ATP10B: variants seen among roughly 807,000 people sequenced by gnomAD.
The protein encoded by ATP10B is phospholipid-transporting ATPase VB.
ATP10B carries 122 observed loss-of-function variants against 141.2 expected under a neutral mutation model. That is an observed-to-expected ratio of 0.86 (90% CI 0.75 to 1.00). The LOEUF (loss-of-function observed/expected upper bound fraction) is 1.00, where lower values mean the gene tolerates loss of function less well. Among genes scored for constraint, ATP10B ranks in the 50% least tolerant of loss-of-function variants. The pLI is 0.00. For synonymous variants in ATP10B, 685 were observed against 692.0 expected (o/e 0.99, Z 0.16); for missense variants, 1,876 against 1,825.3 (o/e 1.03, Z -0.51).
chr5:160,573,947 G>T (rs1374445010), intron 24 of ATP10B, among the ~76,000 whole-genome samples: 3 of 152,146 alleles, frequency 2.0e-5, no homozygotes, highest in Non-Finnish European at 2.9e-5. Flanking sequence ...CCACATATAT[G>T]TGTGCAAGAG....
intron 1 of ATP10B, among the ~76,000 whole-genome samples, chr5:160,807,512 C>CT (rs113889021): frequency 0.015 from 2,330 of 152,106 alleles, 61 homozygotes; most frequent in African/African-American, 0.053. Flanking sequence ...CAATTGGATA[C>CT]TTTTTTTAAG....
chr5:160,889,712 T>C, the ATP10B span, among the ~76,000 whole-genome samples: 1 of 152,048 alleles, frequency 6.6e-6, no homozygotes, highest in Admixed American at 6.5e-5. Flanking sequence ...TGGAGAGACA[T>C]GGGGAGGGGA....
chr5:160,818,411 A>G (rs1487557542), intron 1 of ATP10B, among the ~76,000 whole-genome samples: 1 of 152,260 alleles, frequency 6.6e-6, no homozygotes, highest in East Asian at 1.9e-4. Flanking sequence ...GCTCATTATC[A>G]CTGGCCATCA....
chr5:160,768,730 C>T (rs1167660766), intron 2 of ATP10B, among the ~76,000 whole-genome samples: 1 of 152,150 alleles, frequency 6.6e-6, no homozygotes, highest in Non-Finnish European at 1.5e-5. Context: ...CAGCAAGTTA[C>T]CCAGGGTGGG....
intron 2 of ATP10B, among the ~76,000 whole-genome samples, chr5:160,733,271 GA>G (rs1766864202): frequency 6.6e-6 from 1 of 152,096 alleles, no homozygotes; most frequent in South Asian, 2.1e-4. Flanking sequence ...ACCAATGTAT[GA>G]TGTGAAGAAT....
At chr5:160,873,702 C>A in the ATP10B span, among the ~76,000 whole-genome samples, 1 of 152,304 alleles carries the variant, frequency 6.6e-6, no homozygotes, top group Admixed American at 6.5e-5. Context: ...CAAAGCAGGG[C>A]GAGGCACTGC....
At chr5:160,619,765 G>A (rs998373471) in intron 15 of ATP10B, among the ~76,000 whole-genome samples, 8 of 152,236 alleles carry the variant, frequency 5.3e-5, no homozygotes, top group Non-Finnish European at 7.4e-5. Flanking sequence ...CTCAGTGCAC[G>A]TTTATGAAAA....
At chr5:160,778,470 G>A (rs1322433481) in intron 2 of ATP10B, among the ~76,000 whole-genome samples, 1 of 152,124 alleles carries the variant, frequency 6.6e-6, no homozygotes, top group East Asian at 1.9e-4. Context: ...CAAAGAAGAG[G>A]CTGAAAGTCA....
intron 2 of ATP10B, among the ~76,000 whole-genome samples, chr5:160,722,152 G>C (rs75313809): frequency 6.6e-6 from 1 of 152,204 alleles, no homozygotes; most frequent in Admixed American, 6.5e-5. Context: ...GATAGCCCAC[G>C]GGTTCTTATG....
intron 2 of ATP10B, among the ~76,000 whole-genome samples, chr5:160,778,005 T>C (rs7724015): frequency 0.13 from 19,158 of 152,170 alleles, 1,486 homozygotes; most frequent in Middle Eastern, 0.18. Flanking sequence ...CACATGTGAA[T>C]TTGTATGGAT....
At chr5:160,861,051 G>T in the ATP10B span, among the ~76,000 whole-genome samples, 11 of 151,882 alleles carry the variant, frequency 7.2e-5, no homozygotes, top group Admixed American at 4.6e-4. Context: ...TCTTTACTTT[G>T]CTCTTTAGGA....
intron 2 of ATP10B, among the ~76,000 whole-genome samples, chr5:160,756,446 C>A (rs147636688): frequency 6.6e-6 from 1 of 152,120 alleles, no homozygotes; most frequent in East Asian, 1.9e-4. Context: ...TAAGAAGTGG[C>A]CAGATTGTTT....
chr5:160,598,325 G>A (rs550540651), intron 22 of ATP10B, among the ~76,000 whole-genome samples: 1 of 152,096 alleles, frequency 6.6e-6, no homozygotes, highest in African/African-American at 2.4e-5. Context: ...CTCATAGGTG[G>A]GAATTGAACA....
chr5:160,804,332 C>T (rs892442516), intron 1 of ATP10B, among the ~76,000 whole-genome samples: 1 of 152,128 alleles, frequency 6.6e-6, no homozygotes, highest in Non-Finnish European at 1.5e-5. Context: ...CTATGTTGTA[C>T]TGTTTTGTTC....
chr5:160,567,766 GTGCTTT>G (rs1754631706), intron 25 of ATP10B, among the ~76,000 whole-genome samples: 1 of 152,080 alleles, frequency 6.6e-6, no homozygotes, highest in Admixed American at 6.6e-5. Flanking sequence ...TATGGTTTTT[GTGCTTT>G]ATTGCAGAGG....
intron 7 of ATP10B, among the ~76,000 whole-genome samples, chr5:160,656,888 T>C (rs1462673639): frequency 6.6e-6 from 1 of 152,212 alleles, no homozygotes; most frequent in Non-Finnish European, 1.5e-5. Flanking sequence ...ATTTAGTTTT[T>C]ACCAAGAGTC....
chr5:160,835,605 G>A (rs865956346), intron 1 of ATP10B, among the ~76,000 whole-genome samples: 1 of 152,132 alleles, frequency 6.6e-6, no homozygotes, highest in Admixed American at 6.6e-5. Flanking sequence ...ACACAGCATT[G>A]TGAGGATAAA....
intron 1 of ATP10B, among the ~76,000 whole-genome samples, chr5:160,822,848 G>T (rs1271655798): frequency 1.3e-5 from 2 of 151,192 alleles, no homozygotes; most frequent in Non-Finnish European, 3.0e-5. Context: ...GTAAAAGGAT[G>T]GTTACTAGAG....
At chr5:160,784,459 G>A (rs1195454478) in intron 2 of ATP10B, among the ~76,000 whole-genome samples, 2 of 152,144 alleles carry the variant, frequency 1.3e-5, no homozygotes, top group African/African-American at 2.4e-5. Context: ...TGGTATCTGC[G>A]GAGTTATGCA....
Sources: allele counts gnomAD v4.1 joint callset (sites outside exome capture counted in the v4.1 genomes callset), GRCh38; gene constraint gnomAD v4.1.1; transcripts MANE v1.5; gene names NCBI Gene and HGNC (gene_info 2026-07-23, HGNC 2026-07-21).